NEB: variants seen among roughly 807,000 people sequenced by gnomAD.
NEB encodes the protein nebulin.
In NEB, 512 loss-of-function variants were observed where a neutral mutation model predicts 952.2. The observed-to-expected ratio is 0.54, with a 90% confidence interval of 0.50 to 0.58. The LOEUF (loss-of-function observed/expected upper bound fraction) is 0.58. NEB is among the 20% of genes least tolerant of loss of function. The pLI is 0.00. For missense variants in NEB, 8,428 were observed against 9,231.1 expected (o/e 0.91, Z 3.56); for synonymous variants, 2,900 against 3,149.8 (o/e 0.92, Z 2.66).
At chr2:151,690,002 T>C (rs1481090927) in intron 24 of NEB, 1 of 152,350 alleles carries the variant, frequency 6.6e-6, no homozygotes, top group Non-Finnish European at 1.5e-5. Context: ...CTTAGCTATG[T>C]TAGCACCTTG....
intron 55 of NEB, 73 bp downstream of exon 55, chr2:151,646,057 C>A: frequency 8.9e-7 from 1 of 1,128,086 alleles, no homozygotes; most frequent in Non-Finnish European, 1.3e-6. Context: ...CAGAGAACTT[C>A]TAGACAATTT....
At chr2:151,655,415 G>C in intron 50 of NEB, 41 bp from the exon 51 acceptor site, 1 of 1,174,836 alleles carries the variant, frequency 8.5e-7, no homozygotes, top group Non-Finnish European at 1.2e-6. Context: ...TGAATAACTG[G>C]GACAAGCAGG....
intron 27 of NEB, among the ~76,000 whole-genome samples, chr2:151,686,259 C>G (rs1202557362): frequency 1.3e-5 from 2 of 152,118 alleles, no homozygotes; most frequent in Non-Finnish European, 2.9e-5. Flanking sequence ...TTTTAAAAAG[C>G]CATTCATATT....
At chr2:151,629,501 C>T in intron 68 of NEB, 38 bp downstream of exon 68, 4 of 1,507,574 alleles carry the variant, frequency 2.7e-6, no homozygotes, top group Middle Eastern at 1.7e-4. Context: ...CTCCCCACTT[C>T]ATCCATCCAT....
At chr2:151,532,246 T>G (rs1016890224) in intron 143 of NEB, 2 of 193,198 alleles carry the variant, frequency 1.0e-5, no homozygotes, top group African/African-American at 4.7e-5. Flanking sequence ...TTTATACACA[T>G]GTACTCGGAG....
Position 151,553,399 on chromosome 2 carries a change from T to C in NEB, c.19730A>G (p.Asp6577Gly). 6.2e-7 allele frequency: 1 copy of C among 1,607,890 alleles called. No individual in the cohort carries two copies. Among genetic ancestry groups the C allele is most frequent in the East Asian group, 2.2e-5 (1 of 44,838 alleles). ...HAKHAYDLRD[D>G]IKYKAHMLKT... ...AAGAACAAAACAAGGCAAACTCACA[T>C]CATCACGTAGATCATAAGCATGCTT... is the stretch of plus-strand genomic sequence containing the variant. Residue 6577 changes from aspartate to glycine, a missense_variant and splice_region_variant, in exon 127 of 182, where the codon GAT becomes GGT. Physicochemically the swap from Asp to Gly is moderately conservative, Grantham distance 94. Around this residue, in one of 11 missense-constraint regions of NEB, gnomAD observed 3,374 missense variants for 3,651.5 expected, o/e 0.92. Transcript: ENST00000397345.
At position 151,490,413 on chromosome 2, in the gene NEB, A is replaced by G. The variant is rs370819880; in HGVS notation, c.25256T>C (p.Leu8419Pro). 1.1e-5 allele frequency: 17 copies of G among 1,598,458 alleles called. No individual in the cohort carries two copies. The highest frequency in any genetic ancestry group is 1.5e-5 in the Non-Finnish European group (17 of 1,172,094). ...GACACCCCCGTCGCTGTAAGTCGAAAGGTGGTGGTCTGGTGCTTCTGAATG... is the reference window on the plus strand; with the variant it reads ...GACACCCCCGTCGCTGTAAGTCGAAGGGTGGTGGTCTGGTGCTTCTGAATG... ...SEHSEAPDHH[L>P]STYSDGGVFA... Residue 8419 changes from leucine to proline, a missense_variant, in exon 180 of 182, where the codon CTT becomes CCT. Coordinates refer to ENST00000397345, the MANE Select transcript of NEB (RefSeq NM_001164508.2).
chr2:151,618,531 A>G, intron 73 of NEB, 53 bp from the exon 74 acceptor site: 5 of 1,539,122 alleles, frequency 3.2e-6, no homozygotes, highest in Non-Finnish European at 4.4e-6. Flanking sequence ...TCAGATTCAT[A>G]GTTACAAAAT....
intron 178 of NEB, 89 bp from the exon 179 acceptor site, chr2:151,491,864 G>A: frequency 9.0e-7 from 1 of 1,116,448 alleles, no homozygotes; most frequent in Non-Finnish European, 1.3e-6. Flanking sequence ...AACCACCAAA[G>A]GATTGAATCA....
intron 138 of NEB, among the ~76,000 whole-genome samples, chr2:151,539,767 CCCT>C: frequency 6.6e-6 from 1 of 152,310 alleles, no homozygotes; most frequent in East Asian, 1.9e-4. Flanking sequence ...CATCTGTCCC[CCCT>C]AATTTTAACC....
Position 151,629,552 on chromosome 2 carries a change from T to TC in NEB, c.9817dup (p.Asp3273GlyfsTer5). The TC allele has an allele frequency of 6.2e-7, 1 of 1,613,202 alleles. No individual in the cohort carries two copies. The highest frequency in any genetic ancestry group is 8.5e-7 in the Non-Finnish European group (1 of 1,179,214). ...GTTGCTACTCACATCACTGATAACGTCCCTGGAGGCCTTGGCAGCCACGAT... is the reference window on the plus strand; with the variant it reads ...GTTGCTACTCACATCACTGATAACGTCCCCTGGAGGCCTTGGCAGCCACGAT... On this transcript the variant is annotated frameshift_variant, in exon 68 of 182. Coordinates refer to ENST00000397345, the MANE Select transcript of NEB (RefSeq NM_001164508.2). LOFTEE classifies it high-confidence loss of function.
intron 74 of NEB, 72 bp from the exon 75 acceptor site, chr2:151,617,540 G>T (rs1387671689): frequency 2.1e-6 from 2 of 941,224 alleles, no homozygotes; most frequent in Non-Finnish European, 3.1e-6. Flanking sequence ...TTATTGTTTT[G>T]ATTATGTGCC....
At chr2:151,508,632 ACAGG>A (rs1331968511) in intron 161 of NEB, among the ~76,000 whole-genome samples, 1 of 152,238 alleles carries the variant, frequency 6.6e-6, no homozygotes, top group East Asian at 1.9e-4. Context: ...CGGCAGTCAG[ACAGG>A]CAGGCCCAGA....
intron 148 of NEB, 117 bp from the exon 149 acceptor site, chr2:151,526,379 G>A: frequency 1.4e-6 from 1 of 738,510 alleles, no homozygotes; most frequent in Non-Finnish European, 2.3e-6. Context: ...AATAAAAGAT[G>A]TGATACTTGC....
At chr2:151,514,694 A>T in intron 158 of NEB, 124 bp downstream of exon 158, 1 of 722,338 alleles carries the variant, frequency 1.4e-6, no homozygotes, top group Admixed American at 2.8e-5. Flanking sequence ...TACCAAGCAC[A>T]TGAGAACCCA....
In NEB at chr2:151,563,605, C is replaced by T. The variant is rs1183824315; in HGVS notation, c.18693+1G>A. 1.2e-6 allele frequency: 2 copies of T among 1,611,042 alleles called. No individual in the cohort carries two copies. The highest frequency in any genetic ancestry group is 1.7e-6 in the Non-Finnish European group (2 of 1,177,314). ...CCGTGTTAAAGTGGACATTTACTTA[C>T]CGCACTCCTCATCTTTTGGAAATCC... On this transcript the variant is annotated splice_donor_variant, in intron 119 of 181. Transcript: ENST00000397345. LOFTEE classifies it high-confidence loss of function.
At chr2:151,675,579 TAGA>T (rs2099352981) in intron 34 of NEB, among the ~76,000 whole-genome samples, 188 bp from the exon 35 acceptor site, 1 of 152,130 alleles carries the variant, frequency 6.6e-6, no homozygotes, top group South Asian at 2.1e-4. Flanking sequence ...TGTGTTAAAA[TAGA>T]AGGAGAAAAA....
At chr2:151,559,827 A>C (rs929321524) in intron 124 of NEB, among the ~76,000 whole-genome samples, 1 of 152,110 alleles carries the variant, frequency 6.6e-6, no homozygotes, top group African/African-American at 2.4e-5. Context: ...CATTAGGAGA[A>C]ATACCTAATG....
At chr2:151,535,592 T>C (rs535044394) in intron 142 of NEB, 99 bp downstream of exon 142, 5 of 673,590 alleles carry the variant, frequency 7.4e-6, no homozygotes, top group Non-Finnish European at 1.2e-5. Context: ...TTAGGATGGC[T>C]TTCCTGTCAT....
Sources: gnomAD v4.1 joint callset for allele counts (sites outside exome capture counted in the v4.1 genomes callset) on GRCh38, gnomAD v4.1.1 for gene constraint, gnomAD v4.1.1 regional missense constraint, MANE v1.5 for transcripts, NCBI Gene and HGNC (gene_info 2026-07-23, HGNC 2026-07-21) for gene names.